Variants in RAP1GAP2 observed in about 807,000 individuals in gnomAD.
RAP1GAP2 encodes rap1 GTPase-activating protein 2.
RAP1GAP2 carries 27 observed loss-of-function variants against 95.0 expected under a neutral mutation model. That is an observed-to-expected ratio of 0.28 (90% CI 0.21 to 0.39). RAP1GAP2 has a LOEUF of 0.39. Among genes scored for constraint, RAP1GAP2 ranks in the 10% least tolerant of loss-of-function variants. The pLI is 1.00. For synonymous variants in RAP1GAP2, 373 were observed against 380.9 expected, an observed-to-expected ratio of 0.98 and a Z score of 0.24; for missense variants, 771 against 970.0, an observed-to-expected ratio of 0.79 and a Z score of 2.72.
chr17:2,911,882 C>G lies in RAP1GAP2; in HGVS notation c.165+6514C>G, dbSNP rs180845133. Among the ~76,000 whole-genome samples, 29 of 152,334 alleles carry G rather than the reference C, an allele frequency of 1.9e-4. No homozygotes were observed. In the East Asian group the frequency reaches 5.0e-3, roughly 26 times the overall value. On this transcript the variant is annotated intron_variant, in intron 3 of 24. Coordinates refer to ENST00000254695, the MANE Select transcript of RAP1GAP2 (RefSeq NM_015085.5). ...TTCACTGAAGTCCACTCTGCTGGGA[C>G]TTGACCTGACCTTGTCCCTGGAGCC...
intron 1 of RAP1GAP2, among the ~76,000 whole-genome samples, chr17:2,766,085 C>A (rs1313475178): frequency 1.3e-5 from 2 of 152,270 alleles, no homozygotes; most frequent in East Asian, 3.9e-4. Context: ...GGAAAGAGGC[C>A]GGCGAGGACA....
In RAP1GAP2 at chr17:2,896,384, C is replaced by T. The variant is rs2041826046; in HGVS notation, c.81-8900C>T. ...CTCGCTCCCTGCTGTGGTACTTGGG[C>T]CAGGTGGAGCTGGCTTTCCCATGGC... On this transcript the variant is annotated intron_variant, in intron 2 of 24. Coordinates refer to ENST00000254695, the MANE Select transcript of RAP1GAP2 (RefSeq NM_015085.5). 2.6e-5 allele frequency among the ~76,000 whole-genome samples: 4 copies of T among 152,160 alleles called. No individual in the cohort carries two copies. The South Asian group carries it at 6.2e-4, about 24-fold the overall frequency.
At chr17:2,832,286 C>T (rs150580841) in intron 2 of RAP1GAP2, among the ~76,000 whole-genome samples, 4,902 of 148,144 alleles carry the variant, frequency 0.033, 255 homozygotes, top group African/African-American at 0.11. Context: ...CGGCCGGGCG[C>T]GGTGGCTCAT....
intron 3 of RAP1GAP2, among the ~76,000 whole-genome samples, chr17:2,952,809 G>GT (rs146207427): frequency 0.031 from 4,555 of 148,776 alleles, 192 homozygotes; most frequent in African/African-American, 0.099. Flanking sequence ...ACATTTTTCT[G>GT]TTTTTTTTTT....
chr17:2,796,474 C>T lies in RAP1GAP2; in HGVS notation c.-54C>T. 3.9e-6 allele frequency: 6 copies of T among 1,547,684 alleles called. No individual in the cohort carries two copies. Among genetic ancestry groups the T allele is most frequent in the Non-Finnish European group, 2.6e-6 (3 of 1,144,222 alleles). ...TGTACCACGGCCCTCTTGCGGACAGCCCCGGGGACGTCGTTGGGACATCGC... is the reference window on the plus strand; with the variant it reads ...TGTACCACGGCCCTCTTGCGGACAGTCCCGGGGACGTCGTTGGGACATCGC... On this transcript the variant is annotated 5_prime_UTR_variant, in exon 1 of 25. Coordinates refer to ENST00000254695, the MANE Select transcript of RAP1GAP2 (RefSeq NM_015085.5). The surrounding 1 kb of genome is among the most constrained non-coding windows in gnomAD (Gnocchi z 4.7).
chr17:2,805,380 G>A (rs930897486), intron 2 of RAP1GAP2, among the ~76,000 whole-genome samples: 6 of 152,076 alleles, frequency 3.9e-5, no homozygotes, highest in African/African-American at 1.2e-4. Flanking sequence ...TTTTGAGACC[G>A]CGTCTTGGTC....
At chr17:2,781,372 GA>G (rs1862865471) in intron 1 of RAP1GAP2, among the ~76,000 whole-genome samples, 1 of 152,240 alleles carries the variant, frequency 6.6e-6, no homozygotes, top group African/African-American at 2.4e-5. Flanking sequence ...AGGCAGTCGG[GA>G]ACACTGAGGT....
intron 2 of RAP1GAP2, chr17:2,853,907 C>T (rs1290170439): frequency 6.1e-6 from 6 of 978,132 alleles, no homozygotes; most frequent in Non-Finnish European, 7.3e-6. Context: ...GGGGCCGGGG[C>T]GCGGGCTCAG....
At chr17:2,817,971 G>A (rs111237310) in intron 2 of RAP1GAP2, among the ~76,000 whole-genome samples, 8,611 of 150,424 alleles carry the variant, frequency 0.057, 408 homozygotes, top group Non-Finnish European at 0.091. Context: ...CGAGTAGCTG[G>A]GACTACAGGT....
intron 1 of RAP1GAP2, 58 bp from the exon 2 acceptor site, chr17:2,800,457 G>T (rs1280760082): frequency 1.3e-6 from 2 of 1,567,822 alleles, no homozygotes; most frequent in South Asian, 1.2e-5. Flanking sequence ...CCATACAGAT[G>T]CTATGTAGGA....
chr17:2,954,213 T>C (rs944085829), intron 3 of RAP1GAP2, among the ~76,000 whole-genome samples: 1 of 152,100 alleles, frequency 6.6e-6, no homozygotes, highest in Admixed American at 6.5e-5. Flanking sequence ...CACGCCATTC[T>C]CCTGCCTCAG....
chr17:2,762,721 A>G (rs774677763), intron 1 of RAP1GAP2, among the ~76,000 whole-genome samples: 94 of 150,980 alleles, frequency 6.2e-4, no homozygotes, highest in Non-Finnish European at 5.2e-4. Flanking sequence ...ATTTCAACAT[A>G]GAAATTTTGT....
At chr17:2,803,901 A>G (rs772134338) in intron 2 of RAP1GAP2, among the ~76,000 whole-genome samples, 2 of 152,192 alleles carry the variant, frequency 1.3e-5, no homozygotes, top group African/African-American at 2.4e-5. Flanking sequence ...AAACAGAACA[A>G]AACAAAACAA....
upstream of RAP1GAP2, among the ~76,000 whole-genome samples, chr17:2,776,883 C>T (rs1239784460): frequency 2.0e-5 from 3 of 151,904 alleles, no homozygotes; most frequent in Non-Finnish European, 2.9e-5. Flanking sequence ...GAGGGGGCGA[C>T]CGCGGGGACT....
intron 3 of RAP1GAP2, among the ~76,000 whole-genome samples, chr17:2,947,193 G>A (rs4790393): frequency 0.49 from 73,479 of 151,370 alleles, 18,653 homozygotes; most frequent in Admixed American, 0.59. Flanking sequence ...CAAAGGAGCC[G>A]TGAGCATCAG....
At chr17:2,787,776 C>T (rs373212493) in intron 1 of RAP1GAP2, among the ~76,000 whole-genome samples, 4 of 151,974 alleles carry the variant, frequency 2.6e-5, no homozygotes, top group African/African-American at 7.3e-5. Flanking sequence ...ACCATGTTGG[C>T]CAGGATGGTT....
At chr17:3,006,071 C>T (rs1308601134) in intron 16 of RAP1GAP2, 30 bp downstream of exon 16, 2 of 1,589,836 alleles carry the variant, frequency 1.3e-6, no homozygotes, top group East Asian at 2.2e-5. Flanking sequence ...AGGTCTCCCT[C>T]CTGACTGCTG....
chr17:2,996,901 C>G (rs983764587), intron 13 of RAP1GAP2, among the ~76,000 whole-genome samples: 2 of 152,166 alleles, frequency 1.3e-5, no homozygotes, highest in Non-Finnish European at 2.9e-5. Flanking sequence ...GAGCATTGGG[C>G]CTGCATGCAG....
chr17:3,014,107 A>T (rs2046668404), intron 17 of RAP1GAP2, among the ~76,000 whole-genome samples: 1 of 149,808 alleles, frequency 6.7e-6, no homozygotes. Flanking sequence ...TGGATGGTCT[A>T]GCCTAGGACA....
Sources: allele counts gnomAD v4.1 joint callset (sites outside exome capture counted in the v4.1 genomes callset), GRCh38; gene constraint gnomAD v4.1.1; non-coding constraint Gnocchi (gnomAD v3.1); transcripts MANE v1.5; gene names NCBI Gene and HGNC (gene_info 2026-07-23, HGNC 2026-07-21).